The following SLC35F4 variants were observed in gnomAD, a reference collection of about 807,000 sequenced individuals.
The protein encoded by SLC35F4 is chromosome 14 open reading frame 36.
In SLC35F4, 24 loss-of-function variants were observed where a neutral mutation model predicts 44.2. The observed-to-expected ratio is 0.54, with a 90% CI of 0.39 to 0.76. The LOEUF is 0.76. Among genes scored for constraint, SLC35F4 ranks in the 30% least tolerant of loss-of-function variants. The pLI, the probability that SLC35F4 is intolerant of heterozygous loss-of-function variation, is 0.00. For missense variants in SLC35F4, 562 were observed against 586.1 expected (o/e 0.96, Z 0.42); for synonymous variants, 238 against 223.6 (o/e 1.06, Z -0.57).
intron 1 of SLC35F4, among the ~76,000 whole-genome samples, chr14:57,951,696 C>G: frequency 6.6e-6 from 1 of 152,230 alleles, no homozygotes; most frequent in African/African-American, 2.4e-5. Context: ...GAGCCCACCA[C>G]AGCTCAACAA....
intron 1 of SLC35F4, among the ~76,000 whole-genome samples, chr14:57,849,407 C>CTG (rs1394823656): frequency 6.6e-6 from 1 of 152,192 alleles, no homozygotes; most frequent in African/African-American, 2.4e-5. Context: ...GGTGATCCAC[C>CTG]TGCCTCGGCC....
chr14:57,837,562 G>C (rs2224417), intron 1 of SLC35F4: 1 of 151,980 alleles, frequency 6.6e-6, no homozygotes, highest in Non-Finnish European at 1.5e-5. Context: ...CCACACGTGC[G>C]TATAGGAGAG....
rs2068529174 is a variant in SLC35F4, at chr14:57,571,910, G to A, written c.917C>T (p.Thr306Ile). 1.2e-6 allele frequency: 2 copies of A among 1,612,400 alleles called. No homozygotes were observed. Among genetic ancestry groups the A allele is most frequent in the African/African-American group, 2.7e-5 (2 of 74,898 alleles). The change falls in exon 5 of 8, where the codon ACA becomes ATA. Residue 306 changes from threonine (T) to isoleucine (I), a missense_variant. By Grantham distance (89) the Thr-to-Ile change is moderately conservative (BLOSUM62 -1). Transcript: ENST00000556826. ...GVAFAVGSASTSALYKVLFKM... is the reference protein window; with the variant it reads ...GVAFAVGSASISALYKVLFKM... The stretch of plus-strand genomic sequence containing the variant: ...ACAACATACCTTATATAATGCAGAT[G>A]TAGAGGCTGAGCCCACCGCAAATGC...
intron 3 of SLC35F4, among the ~76,000 whole-genome samples, chr14:57,584,115 A>G (rs547632625): frequency 1.3e-5 from 2 of 152,308 alleles, no homozygotes; most frequent in African/African-American, 4.8e-5. Flanking sequence ...GTTTGATGCT[A>G]TCTAAGATTT....
chr14:57,897,938 T>C (rs778302054), intron 1 of SLC35F4, among the ~76,000 whole-genome samples: 1 of 152,178 alleles, frequency 6.6e-6, no homozygotes, highest in Non-Finnish European at 1.5e-5. Flanking sequence ...TAATATTGAC[T>C]CTGGATGCAA....
At chr14:57,838,098 C>T (rs1278335158) in intron 1 of SLC35F4, among the ~76,000 whole-genome samples, 1 of 152,096 alleles carries the variant, frequency 6.6e-6, no homozygotes, top group South Asian at 2.1e-4. Context: ...AATTAATGTC[C>T]TTAGCAACAC....
intron 1 of SLC35F4, among the ~76,000 whole-genome samples, chr14:57,971,430 A>C (rs947137503): frequency 2.0e-5 from 3 of 152,166 alleles, no homozygotes; most frequent in African/African-American, 7.2e-5. Context: ...ACAAAAACAA[A>C]AGCTGGTAAA....
At chr14:57,700,897 C>A (rs1458458022) in intron 1 of SLC35F4, among the ~76,000 whole-genome samples, 2 of 152,064 alleles carry the variant, frequency 1.3e-5, no homozygotes, top group African/African-American at 4.8e-5. Context: ...CAGAGTGAGA[C>A]CCTGTGTCAA....
At chr14:57,937,519 G>C (rs7493558) in intron 1 of SLC35F4, among the ~76,000 whole-genome samples, 17,513 of 145,560 alleles carry the variant, frequency 0.12, 1,155 homozygotes, top group African/African-American at 0.17. Flanking sequence ...AATATAGGAG[G>C]CAAAATTACA....
At chr14:57,973,211 C>A (rs1881103960), downstream of SLC35F4, among the ~76,000 whole-genome samples, 1 of 152,134 alleles carries the variant, frequency 6.6e-6, no homozygotes, top group African/African-American at 2.4e-5. Context: ...GGTGGTGATA[C>A]TTTCTTTTTC....
chr14:57,979,318 T>C (rs928258827), intron 1 of SLC35F4, among the ~76,000 whole-genome samples: 3 of 152,184 alleles, frequency 2.0e-5, no homozygotes, highest in Admixed American at 6.5e-5. Flanking sequence ...CTATGATAGA[T>C]TGGACTTCAT....
chr14:57,778,443 T>C (rs930413311), intron 1 of SLC35F4, among the ~76,000 whole-genome samples: 4 of 152,072 alleles, frequency 2.6e-5, no homozygotes, highest in Non-Finnish European at 5.9e-5. Context: ...ATCCTAAATA[T>C]ATATGCGCCC....
Position 57,569,926 on chromosome 14 carries a change from C to A in SLC35F4, c.988G>T (p.Val330Phe). ...SANFGEAAHF[V>F]STLGFFNLIF... ...AAATTGAAGAAACCCAAGGTGGAGA[C>A]AAAGTGTGCAGCTTCCCCAAAGTTG... Residue 330 changes from valine (V) to phenylalanine (F), a missense_variant, in exon 6 of 8, where the codon GTC becomes TTC. By Grantham distance (50) the Val-to-Phe change is conservative. Transcript: ENST00000556826. 5 of 1,612,660 alleles carry A rather than the reference C, an allele frequency of 3.1e-6. No individual in the cohort carries two copies. The highest frequency in any genetic ancestry group is 4.2e-6 in the Non-Finnish European group (5 of 1,179,440).
intron 1 of SLC35F4, among the ~76,000 whole-genome samples, chr14:57,962,688 T>C (rs1179445072): frequency 6.6e-6 from 1 of 152,214 alleles, no homozygotes; most frequent in African/African-American, 2.4e-5. Flanking sequence ...CCGTGCTTCT[T>C]TGCATAAAGA....
At chr14:57,880,025 G>A (rs909384034) in intron 1 of SLC35F4, among the ~76,000 whole-genome samples, 1 of 129,252 alleles carries the variant, frequency 7.7e-6, no homozygotes. Context: ...GAAAGGAAAG[G>A]AAAGGAGGGA....
intron 1 of SLC35F4, among the ~76,000 whole-genome samples, chr14:57,885,223 C>T (rs1888621362): frequency 6.6e-6 from 1 of 152,132 alleles, no homozygotes; most frequent in Non-Finnish European, 1.5e-5. Flanking sequence ...TAATCACTAG[C>T]TGTGTCACCA....
chr14:57,791,536 T>C (rs1373339882), intron 1 of SLC35F4, among the ~76,000 whole-genome samples: 1 of 152,054 alleles, frequency 6.6e-6, no homozygotes, highest in East Asian at 1.9e-4. Flanking sequence ...TTGGCAGGAG[T>C]GTAAATTAGT....
chr14:57,652,432 C>T (rs1215499754), intron 1 of SLC35F4, among the ~76,000 whole-genome samples: 4 of 152,100 alleles, frequency 2.6e-5, no homozygotes, highest in Admixed American at 2.0e-4. Flanking sequence ...AAAATCAATA[C>T]TTTTTGGAGC....
rs1887129469 is a variant in SLC35F4, at chr14:57,856,641, G to A, written c.103+9082C>T. Among the ~76,000 whole-genome samples, 2 of 151,928 alleles carry A rather than the reference G, an allele frequency of 1.3e-5. 1 individual carries two copies. Among genetic ancestry groups the A allele is most frequent in the African/African-American group, 4.8e-5 (2 of 41,264 alleles). Reference sequence around the variant, plus strand: ...TTTAGTATTAACATAGACCTTATGTGTTCTAGTTTAAAACCATATTACAAA... The same window carrying A: ...TTTAGTATTAACATAGACCTTATGTATTCTAGTTTAAAACCATATTACAAA... On this transcript the variant is annotated intron_variant, in intron 1 of 7. Transcript: ENST00000556826.
Sources: gnomAD v4.1 joint callset for allele counts (sites outside exome capture counted in the v4.1 genomes callset) on GRCh38, gnomAD v4.1.1 for gene constraint, MANE v1.5 for transcripts, NCBI Gene and HGNC (gene_info 2026-07-23, HGNC 2026-07-21) for gene names.